The following KANK1 variants were observed in gnomAD, a reference collection of about 807,000 sequenced individuals.
KANK1 encodes the protein KN motif and ankyrin repeat domain-containing protein 1.
Under a neutral mutation model 106.2 loss-of-function variants are expected in KANK1, and 109 were observed. That is an observed-to-expected ratio of 1.03 (90% CI 0.88 to 1.20). KANK1 has a LOEUF of 1.20. Ranked by LOEUF, KANK1 falls within the 50% of genes most tolerant of loss-of-function variation. The pLI is 0.00. For synonymous variants in KANK1, 873 were observed against 652.2 expected, an observed-to-expected ratio of 1.34 and a Z score of -5.16; for missense variants, 2,399 against 1,710.7, an observed-to-expected ratio of 1.40 and a Z score of -7.10.
rs1163570150 is a variant in KANK1, at chr9:738,424, C to T, written c.3473C>T (p.Ala1158Val). The change falls in exon 8 of 12, where the codon GCA becomes GTA. Residue 1158 changes from alanine (A) to valine (V), a missense_variant. Coordinates refer to ENST00000382297, the MANE Select transcript of KANK1 (RefSeq NM_015158.5). ...PDVLRYVINL[A>V]DGNGNTALHY... ...GTCCTCCGCTATGTCATCAACTTGG[C>T]AGACGGCAACGGCAACACAGCCCTC... is the stretch of plus-strand genomic sequence containing the variant. The T allele has an allele frequency of 4.3e-6, 7 of 1,614,106 alleles. No individual in the cohort carries two copies. The highest frequency in any genetic ancestry group is 5.9e-6 in the Non-Finnish European group (7 of 1,180,004).
chr9:712,825 G>C lies in KANK1; in HGVS notation c.2059G>C (p.Glu687Gln). ...LEQVHQFTNT[E>Q]TATLIESCTN... Reference sequence around the variant, plus strand: ...ACAGGTGCACCAGTTCACCAACACCGAGACGGCCACCCTCATAGAGTCCTG... The same window carrying C: ...ACAGGTGCACCAGTTCACCAACACCCAGACGGCCACCCTCATAGAGTCCTG... The change falls in exon 3 of 12, where the codon GAG becomes CAG. Residue 687 changes from glutamate to glutamine, a missense_variant. Transcript: ENST00000382297. 6.2e-7 allele frequency: 1 copy of C among 1,613,898 alleles called. No homozygotes were observed. Among genetic ancestry groups the C allele is most frequent in the Non-Finnish European group, 8.5e-7 (1 of 1,179,978 alleles).
At chr9:694,772 T>C (rs1438321412) in intron 2 of KANK1, among the ~76,000 whole-genome samples, 4 of 152,134 alleles carry the variant, frequency 2.6e-5, no homozygotes, top group South Asian at 2.1e-4. Context: ...CAGAGTAGAA[T>C]TGGCAATACC....
rs540328818 is a variant in KANK1 at position 561,157 on chromosome 9, A to G, written c.-84+56403A>G. Among the ~76,000 whole-genome samples, 211 of 152,328 alleles carry G rather than the reference A, an allele frequency of 1.4e-3. 2 individuals carry two copies. The highest frequency in any genetic ancestry group is 4.8e-3 in the African/African-American group (198 of 41,578). The stretch of plus-strand genomic sequence containing the variant: ...TAGTTGAAAGGCTATCGGGGTGGAA[A>G]GGAGAGCAAAGTTAATTCTCAACTT... On this transcript the variant is annotated intron_variant, in intron 1 of 11. Transcript: ENST00000382297.
chr9:667,039 GTTC>G (rs1844793791), intron 1 of KANK1, among the ~76,000 whole-genome samples: 1 of 141,180 alleles, frequency 7.1e-6, no homozygotes, highest in Non-Finnish European at 1.5e-5. Context: ...AATTATTATA[GTTC>G]TTCTTGAAAT....
At chr9:615,691 C>G (rs10815348) in intron 1 of KANK1, among the ~76,000 whole-genome samples, 53,964 of 151,998 alleles carry the variant, frequency 0.36, 12,422 homozygotes, top group South Asian at 0.58. Context: ...CAGTTAACAC[C>G]AGCTTCTGGA....
Position 619,565 on chromosome 9 carries a change from AATG to A in KANK1, c.-83-57322_-83-57320del, listed in dbSNP as rs553446414. On this transcript the variant is annotated intron_variant, in intron 1 of 11. Transcript: ENST00000382297. ...TTTGGAACCAGTTTTGCTACTGTATAATGATAATAGCTCTTCAGCATTCATCTA... is the reference window on the plus strand; with the variant it reads ...TTTGGAACCAGTTTTGCTACTGTATAATAATAGCTCTTCAGCATTCATCTA... Among the ~76,000 whole-genome samples the A allele has an allele frequency of 3.5e-4, 53 of 152,268 alleles. 2 individuals are homozygous for A. In the South Asian group the frequency reaches 5.6e-3, roughly 16 times the overall value.
At chr9:639,635 CA>C (rs1837940580) in intron 1 of KANK1, among the ~76,000 whole-genome samples, 6 of 152,168 alleles carry the variant, frequency 3.9e-5, no homozygotes. Context: ...GATGATTTAC[CA>C]AACAGTGCCA....
intron 3 of KANK1, among the ~76,000 whole-genome samples, chr9:729,033 C>T (rs1176997438): frequency 1.3e-5 from 2 of 152,172 alleles, no homozygotes; most frequent in African/African-American, 2.4e-5. Flanking sequence ...TGCTTTTGGC[C>T]TTGGTCATTC....
intron 3 of KANK1, among the ~76,000 whole-genome samples, chr9:485,345 T>A (rs2058272904): frequency 6.6e-6 from 1 of 152,226 alleles, no homozygotes; most frequent in South Asian, 2.1e-4. Context: ...AATTCACCCA[T>A]TTAAAGTATA....
chr9:584,493 T>C (rs568482846), intron 1 of KANK1, among the ~76,000 whole-genome samples: 16 of 152,356 alleles, frequency 1.1e-4, no homozygotes, highest in Non-Finnish European at 1.2e-4. Flanking sequence ...TATCCAAAGA[T>C]AGTAATATGG....
intron 2 of KANK1, among the ~76,000 whole-genome samples, chr9:706,623 G>C (rs1046234777): frequency 2.0e-5 from 3 of 150,242 alleles, no homozygotes; most frequent in African/African-American, 4.9e-5. Context: ...TCTGGAAAAA[G>C]GTTTGTTTTT....
rs1041181896 is a variant in KANK1, at chr9:596,605, G to A, written c.-83-80285G>A. Among the ~76,000 whole-genome samples, 4 of 151,814 alleles carry A rather than the reference G, an allele frequency of 2.6e-5. No individual in the cohort carries two copies. In the East Asian group the frequency reaches 7.7e-4, roughly 29 times the overall value. ...AGAGAGGCAACGGGATTCAGAAGAT[G>A]CCCGTTTACACTGGTACCACTGTCT... is the stretch of plus-strand genomic sequence containing the variant. On this transcript the variant is annotated intron_variant, in intron 1 of 11. Coordinates refer to ENST00000382297, the MANE Select transcript of KANK1 (RefSeq NM_015158.5).
intron 2 of KANK1, among the ~76,000 whole-genome samples, chr9:706,598 T>G (rs1824246202): frequency 6.6e-6 from 1 of 150,804 alleles, no homozygotes; most frequent in African/African-American, 2.4e-5. Flanking sequence ...TTTACAAGCA[T>G]GTACTACTTT....
At chr9:481,304 A>C (rs982637798) in intron 3 of KANK1, among the ~76,000 whole-genome samples, 3 of 151,796 alleles carry the variant, frequency 2.0e-5, no homozygotes, top group East Asian at 1.9e-4. Flanking sequence ...ACAAAAAAAA[A>C]CCCAAAAACA....
At chr9:552,636 T>G (rs1167598529) in intron 1 of KANK1, among the ~76,000 whole-genome samples, 1 of 152,202 alleles carries the variant, frequency 6.6e-6, no homozygotes, top group Non-Finnish European at 1.5e-5. Flanking sequence ...CCTGCCAAAA[T>G]GTAATTTCTT....
chr9:593,978 A>T (rs1825617705), intron 1 of KANK1, among the ~76,000 whole-genome samples: 1 of 151,686 alleles, frequency 6.6e-6, no homozygotes, highest in South Asian at 2.1e-4. Context: ...GAGCAAAGTG[A>T]CTCCCTGGGC....
rs146028032 is a variant in KANK1, at chr9:581,170, C to T, written c.-84+76416C>T. 5.4e-3 allele frequency among the ~76,000 whole-genome samples: 829 copies of T among 152,288 alleles called. 11 individuals are homozygous for T. Among genetic ancestry groups the T allele is most frequent in the African/African-American group, 0.019 (784 of 41,556 alleles). On this transcript the variant is annotated intron_variant, in intron 1 of 11. Coordinates refer to ENST00000382297, the MANE Select transcript of KANK1 (RefSeq NM_015158.5). Reference sequence around the variant, plus strand: ...CCACGGCTTTCCCTCCACATCTCCCCGCAAGCAGAGGGAGCCGGCTCCGGC... The same window carrying T: ...CCACGGCTTTCCCTCCACATCTCCCTGCAAGCAGAGGGAGCCGGCTCCGGC...
chr9:687,247 T>C (rs1402068592), intron 2 of KANK1, among the ~76,000 whole-genome samples: 1 of 152,146 alleles, frequency 6.6e-6, no homozygotes, highest in Non-Finnish European at 1.5e-5. Flanking sequence ...CGAGCATTGG[T>C]CCTTCTTTGC....
intron 6 of KANK1, chr9:733,407 T>C (rs1455498332): frequency 6.6e-6 from 1 of 152,284 alleles, no homozygotes; most frequent in Non-Finnish European, 1.5e-5. Context: ...CACATGGCTT[T>C]TTAACAGCTT....
Sources: gnomAD v4.1 joint callset for allele counts (sites outside exome capture counted in the v4.1 genomes callset) on GRCh38, gnomAD v4.1.1 for gene constraint, MANE v1.5 for transcripts, NCBI Gene and HGNC (gene_info 2026-07-23, HGNC 2026-07-21) for gene names.